The following BAIAP2 variants were observed in gnomAD, a reference collection of about 807,000 sequenced individuals.
BAIAP2 encodes BAR/IMD domain-containing adapter protein 2.
In BAIAP2, 18 loss-of-function variants were observed where a neutral mutation model predicts 63.0. The ratio of observed to expected loss-of-function variants is 0.29; its 90% CI spans 0.20 to 0.42. The LOEUF is 0.42. Among genes scored for constraint, BAIAP2 ranks in the 10% least tolerant of loss-of-function variants. BAIAP2 has a pLI of 1.00. For missense variants in BAIAP2, 610 were observed against 734.3 expected, an observed-to-expected ratio of 0.83 and a Z score of 1.96; for synonymous variants, 386 against 307.6, an observed-to-expected ratio of 1.25 and a Z score of -2.67.
intron 1 of BAIAP2, among the ~76,000 whole-genome samples, chr17:81,050,964 T>C (rs2048587349): frequency 6.6e-6 from 1 of 151,880 alleles, no homozygotes; most frequent in South Asian, 2.1e-4. Flanking sequence ...TGAACCAGGC[T>C]GCCGAGAGCG....
At chr17:81,042,600 GGT>G (rs2047239257) in intron 1 of BAIAP2, among the ~76,000 whole-genome samples, 1 of 152,060 alleles carries the variant, frequency 6.6e-6, no homozygotes, top group Non-Finnish European at 1.5e-5. Flanking sequence ...GGCCATGCCA[GGT>G]GACCGCCTGC....
At chr17:81,109,239 C>G in intron 13 of BAIAP2, 1 of 1,359,378 alleles carries the variant, frequency 7.4e-7, no homozygotes, top group Non-Finnish European at 9.4e-7. Flanking sequence ...GCCTTTTGAG[C>G]AGAAACTGCC....
Position 81,116,487 on chromosome 17 carries a change from C to A in BAIAP2, c.*648C>A. 1.3e-6 allele frequency: 1 copy of A among 768,938 alleles called. No individual in the cohort carries two copies. 47.6% of individuals were successfully genotyped at this position (768,938 alleles called of 1,614,324 possible). A position where few individuals can be genotyped will look rare whatever the true frequency, so the allele number is the denominator to read the frequency against. On this transcript the variant is annotated 3_prime_UTR_variant, in exon 14 of 14. Coordinates refer to ENST00000428708, the MANE Select transcript of BAIAP2 (RefSeq NM_001144888.2). ...GGCCCCAGCCCTCCTCCTTACCCAA[C>A]CTCCCATCCAGAACCTTGCTGCCAG...
intron 1 of BAIAP2, among the ~76,000 whole-genome samples, chr17:81,047,044 G>A (rs1473016971): frequency 1.3e-5 from 2 of 152,026 alleles, no homozygotes; most frequent in East Asian, 1.9e-4. Flanking sequence ...GTGCTGGTCC[G>A]TGGGCGAGGG....
chr17:81,041,791 C>T (rs914230325), intron 1 of BAIAP2, among the ~76,000 whole-genome samples: 2 of 152,138 alleles, frequency 1.3e-5, no homozygotes, highest in Non-Finnish European at 2.9e-5. Context: ...AGGCTGGTCT[C>T]GAACTCCCAA....
intron 5 of BAIAP2, among the ~76,000 whole-genome samples, chr17:81,085,935 G>A (rs557979263): frequency 2.6e-5 from 4 of 152,364 alleles, no homozygotes; most frequent in East Asian, 1.9e-4. Flanking sequence ...TGCCTCTGAC[G>A]CCCCACATGC....
chr17:81,098,249 C>A (rs1031985098), intron 6 of BAIAP2: 3 of 1,254,524 alleles, frequency 2.4e-6, no homozygotes, highest in Non-Finnish European at 3.0e-6. Context: ...GCGCCTCTGC[C>A]CAGGATGGGA....
At chr17:81,071,055 A>G (rs915812716) in intron 3 of BAIAP2, among the ~76,000 whole-genome samples, 1 of 151,430 alleles carries the variant, frequency 6.6e-6, no homozygotes, top group Non-Finnish European at 1.5e-5. Context: ...GTGTGTGGGG[A>G]AGCAGCGTCA....
chr17:81,065,082 G>A (rs1293397523), intron 3 of BAIAP2, among the ~76,000 whole-genome samples: 1 of 152,186 alleles, frequency 6.6e-6, no homozygotes, highest in Non-Finnish European at 1.5e-5. Flanking sequence ...CCAGTGCCTG[G>A]GTTAGACTTT....
intron 13 of BAIAP2, among the ~76,000 whole-genome samples, chr17:81,114,809 AGTCTGCCTGCCC>A (rs1398962244): frequency 6.6e-6 from 1 of 152,020 alleles, no homozygotes; most frequent in African/African-American, 2.4e-5. Flanking sequence ...AGCTGGACGG[AGTCTGCCTGCCC>A]GTCCCCAGGG....
intron 7 of BAIAP2, among the ~76,000 whole-genome samples, chr17:81,102,952 C>T (rs991048690): frequency 6.6e-6 from 1 of 152,226 alleles, no homozygotes; most frequent in Non-Finnish European, 1.5e-5. Flanking sequence ...GCTTCCTCCT[C>T]CTTTGTCCCC....
intron 1 of BAIAP2, among the ~76,000 whole-genome samples, chr17:81,040,688 C>T (rs533140662): frequency 2.0e-5 from 3 of 152,356 alleles, no homozygotes; most frequent in Non-Finnish European, 2.9e-5. Context: ...GTTTGCTCCC[C>T]GGGCGGTGGC....
intron 4 of BAIAP2, 132 bp from the exon 5 acceptor site, chr17:81,085,522 G>C (rs776171288): frequency 4.0e-6 from 3 of 751,168 alleles, no homozygotes; most frequent in Non-Finnish European, 7.1e-6. Context: ...TCATCAGTCA[G>C]GGGGAGGGGG....
intron 6 of BAIAP2, 75 bp downstream of exon 6, chr17:81,086,655 CAGGGA>C: frequency 6.4e-7 from 1 of 1,562,686 alleles, no homozygotes; most frequent in Non-Finnish European, 8.8e-7. Flanking sequence ...CCCTCGTCCA[CAGGGA>C]GTGGACAGCA....
In BAIAP2 at chr17:81,035,199, G is replaced by C; in HGVS notation, c.-56G>C. The C allele has an allele frequency of 7.1e-7, 1 of 1,401,658 alleles. No individual in the cohort carries two copies. Among genetic ancestry groups the C allele is most frequent in the Non-Finnish European group, 9.5e-7 (1 of 1,052,534 alleles). The allele number at this position is 1,401,658 out of a possible 1,614,324, so 86.8% of individuals were successfully genotyped here. On this transcript the variant is annotated 5_prime_UTR_variant, in exon 1 of 14. Transcript: ENST00000428708. ...CCGTCCTGCTGCCGTTACCGCCGCT[G>C]CTGCCGCCGCTTGCGTCCCCCGCTC... is the stretch of plus-strand genomic sequence containing the variant.
At chr17:81,112,108 GC>G (rs1310091448) in intron 13 of BAIAP2, among the ~76,000 whole-genome samples, 1 of 152,222 alleles carries the variant, frequency 6.6e-6, no homozygotes, top group African/African-American at 2.4e-5. Context: ...CTTGCCTTCC[GC>G]CTCCATCTTC....
intron 3 of BAIAP2, among the ~76,000 whole-genome samples, chr17:81,067,871 C>T (rs553768517): frequency 9.8e-5 from 15 of 152,338 alleles, no homozygotes; most frequent in African/African-American, 2.6e-4. Context: ...TGGCACCTGC[C>T]GTCCCTCGGT....
chr17:81,090,326 G>A (rs1169016584), intron 6 of BAIAP2, among the ~76,000 whole-genome samples: 1 of 152,120 alleles, frequency 6.6e-6, no homozygotes, highest in Admixed American at 6.5e-5. Context: ...ACCTTCTCAC[G>A]GTGCCTGCGT....
chr17:81,072,087 G>C (rs1220782064), intron 3 of BAIAP2, among the ~76,000 whole-genome samples: 7 of 152,348 alleles, frequency 4.6e-5, no homozygotes, highest in African/African-American at 1.7e-4. Flanking sequence ...CGTAGGGCTG[G>C]GGTTCCCTGC....
Sources: allele counts gnomAD v4.1 joint callset (sites outside exome capture counted in the v4.1 genomes callset), GRCh38; gene constraint gnomAD v4.1.1; transcripts MANE v1.5; gene names NCBI Gene and HGNC (gene_info 2026-07-23, HGNC 2026-07-21).